Variants in RFPL3 observed in about 807,000 individuals in gnomAD.
RFPL3 encodes ret finger protein like 3.
RFPL3 carries 8 observed loss-of-function variants against 8.7 expected under a neutral mutation model. The observed-to-expected ratio is 0.92, with a 90% confidence interval of 0.54 to 1.66. The LOEUF is 1.66. Ranked by LOEUF, RFPL3 falls within the 40% of genes most tolerant of loss-of-function variation. RFPL3 has a pLI of 0.00. For missense variants in RFPL3, 341 were observed against 395.0 expected (o/e 0.86, Z 1.16); for synonymous variants, 145 against 150.5 (o/e 0.96, Z 0.27).
upstream of RFPL3, among the ~76,000 whole-genome samples, chr22:32,355,072 C>CCGCCCCCGCG: frequency 6.6e-6 from 1 of 151,732 alleles, no homozygotes; most frequent in Admixed American, 6.6e-5. Context: ...ACAAAACTCC[C>CCGCCCCCGCG]CCCACTTGGC....
rs749648064 is a variant in RFPL3 at position 32,358,323 on chromosome 22, C to G, written c.252C>G (p.Val84=). ...TGCTTTGCTGTTGCTGTTCCATGGTCTCTCAGAGGAACAAAATCAGGCCCA... is the reference window on the plus strand; with the variant it reads ...TGCTTTGCTGTTGCTGTTCCATGGTGTCTCAGAGGAACAAAATCAGGCCCA... ...EDLLCCCCSM[V]SQRNKIRPNR... is the part of the protein sequence containing the mutation. The change falls in exon 1 of 2, where the codon GTC becomes GTG. Residue 84 remains valine, a synonymous_variant. Transcript: ENST00000249007. 8 of 1,614,098 alleles carry G rather than the reference C, an allele frequency of 5.0e-6. No homozygotes were observed. In the South Asian group the frequency reaches 8.8e-5, roughly 18 times the overall value.
upstream of RFPL3, among the ~76,000 whole-genome samples, chr22:32,355,326 G>T (rs1207866030): frequency 6.6e-6 from 1 of 152,104 alleles, no homozygotes; most frequent in Non-Finnish European, 1.5e-5. Context: ...ACCTCGGTAA[G>T]GGGAAGTCTC....
chr22:32,357,791 A>G, upstream of RFPL3: 3 of 1,160,788 alleles, frequency 2.6e-6, no homozygotes, highest in East Asian at 7.1e-5. Flanking sequence ...TCTTATGTTC[A>G]TCAATCAGTC....
rs1303278430 is a variant in RFPL3, at chr22:32,360,670, T to C, written c.792T>C (p.Gly264=). 3 of 1,613,788 alleles carry C rather than the reference T, an allele frequency of 1.9e-6. No individual in the cohort carries two copies. The highest frequency in any genetic ancestry group is 2.5e-6 in the Non-Finnish European group (3 of 1,179,828). ...QNVSFFDAES[G]SHVYTFRSVS... ...TTTCCTTTTTTGATGCTGAAAGTGG[T>C]TCCCATGTCTATACATTCAGGAGCG... is the stretch of plus-strand genomic sequence containing the variant. The change falls in exon 2 of 2, where the codon GGT becomes GGC. Residue 264 remains glycine, a synonymous_variant. Coordinates refer to ENST00000249007, the MANE Select transcript of RFPL3 (RefSeq NM_001098535.1).
chr22:32,359,287 T>G (rs759714749), intron 1 of RFPL3, among the ~76,000 whole-genome samples: 6 of 152,202 alleles, frequency 3.9e-5, no homozygotes, highest in Non-Finnish European at 8.8e-5. Context: ...TCCTTGTCCA[T>G]GTCCATTCCC....
At chr22:32,359,019 T>C (rs935330700) in intron 1 of RFPL3, among the ~76,000 whole-genome samples, 1 of 152,206 alleles carries the variant, frequency 6.6e-6, no homozygotes, top group Admixed American at 6.5e-5. Context: ...ACAGTGGTCC[T>C]GGCTACAGAA....
rs1569431939 is a variant in RFPL3, at chr22:32,360,707, G to A, written c.829G>A (p.Glu277Lys). The change falls in exon 2 of 2, where the codon GAG becomes AAG. Residue 277 changes from glutamate (E) to lysine (K), a missense_variant. By Grantham distance (56) the Glu-to-Lys change is moderately conservative (BLOSUM62 1). Coordinates refer to ENST00000249007, the MANE Select transcript of RFPL3 (RefSeq NM_001098535.1). ...VYTFRSVSAE[E>K]PLRPFLAPSI... ...TACATTCAGGAGCGTCTCTGCTGAGGAGCCACTGCGCCCATTTTTGGCTCC... is the reference window on the plus strand; with the variant it reads ...TACATTCAGGAGCGTCTCTGCTGAGAAGCCACTGCGCCCATTTTTGGCTCC... 5.0e-6 allele frequency: 8 copies of A among 1,613,964 alleles called. No homozygotes were observed. The Admixed American group carries it at 5.0e-5, about 10-fold the overall frequency.
In RFPL3 at chr22:32,358,156, G is replaced by T; in HGVS notation, c.85G>T (p.Asp29Tyr). 2 of 1,613,940 alleles carry T rather than the reference G, an allele frequency of 1.2e-6. No homozygotes were observed. Among genetic ancestry groups the T allele is most frequent in the Non-Finnish European group, 1.7e-6 (2 of 1,179,862 alleles). The part of the protein sequence containing the change: ...LPLCTFPLAV[D>Y]MAALFQEASS... The stretch of plus-strand genomic sequence containing the variant: ...CTTGTGTACTTTTCCCCTGGCAGTG[G>T]ACATGGCTGCACTCTTCCAAGAAGC... The change falls in exon 1 of 2, where the codon GAC (aspartate) becomes TAC (tyrosine). Residue 29 changes from aspartate to tyrosine, a missense_variant. Asp to Tyr is a radical substitution (Grantham distance 160). Transcript: ENST00000249007.
rs749020089 is a variant in RFPL3 at position 32,360,552 on chromosome 22, G to A, written c.674G>A (p.Arg225His). 6.2e-6 allele frequency: 10 copies of A among 1,613,958 alleles called. No individual in the cohort carries two copies. Among genetic ancestry groups the A allele is most frequent in the Non-Finnish European group, 6.8e-6 (8 of 1,179,874 alleles). The change falls in exon 2 of 2, where the codon CGC (arginine) becomes CAC (histidine). Residue 225 changes from arginine to histidine, a missense_variant. Coordinates refer to ENST00000249007, the MANE Select transcript of RFPL3 (RefSeq NM_001098535.1). ...FWTVSLRDGSRLSASTVPLTF... is the reference protein window; with the variant it reads ...FWTVSLRDGSHLSASTVPLTF... The stretch of plus-strand genomic sequence containing the variant: ...ACTGTGAGTTTGAGGGATGGAAGCC[G>A]CCTCTCTGCCAGCACGGTGCCGCTG...
rs1448818563 is a variant in RFPL3 at position 32,357,905 on chromosome 22, G to A, written c.-167G>A. 2.3e-5 allele frequency: 34 copies of A among 1,477,004 alleles called. No individual in the cohort carries two copies. In the East Asian group the frequency reaches 8.3e-4, roughly 36 times the overall value. 91.5% of individuals were successfully genotyped at this position (1,477,004 alleles called of 1,614,324 possible). ...CTCAGGCTCAGCTGCTGGGTCACCA[G>A]GAGAATGGACCCTTCCTCCACCTCA... is the stretch of plus-strand genomic sequence containing the variant. On this transcript the variant is annotated 5_prime_UTR_variant, in exon 1 of 2. Transcript: ENST00000249007.
In RFPL3 at chr22:32,360,468, G is replaced by T. The variant is rs1932770929; in HGVS notation, c.590G>T (p.Cys197Phe). The change falls in exon 2 of 2, where the codon TGC (cysteine) becomes TTC (phenylalanine). Residue 197 changes from cysteine (C) to phenylalanine (F), a missense_variant. Coordinates refer to ENST00000249007, the MANE Select transcript of RFPL3 (RefSeq NM_001098535.1). ...AGCACAGAATGGGACCTGGGAGTCTGCAGAGAATCTGTTCACTGCAAAGGG... is the reference window on the plus strand; with the variant it reads ...AGCACAGAATGGGACCTGGGAGTCTTCAGAGAATCTGTTCACTGCAAAGGG... ...GTSTEWDLGV[C>F]RESVHCKGKI... is the part of the protein sequence containing the mutation. 1 of 1,613,972 alleles carries T rather than the reference G, an allele frequency of 6.2e-7. No homozygotes were observed.
rs376625849 is a variant in RFPL3, at chr22:32,360,415, C to A, written c.537C>A (p.Arg179=). 4 of 1,613,816 alleles carry A rather than the reference C, an allele frequency of 2.5e-6. No individual in the cohort carries two copies. In the African/African-American group the frequency reaches 5.3e-5, roughly 22 times the overall value. Residue 179 remains arginine (R), a synonymous_variant, in exon 2 of 2, where the codon CGC becomes CGA. Coordinates refer to ENST00000249007, the MANE Select transcript of RFPL3 (RefSeq NM_001098535.1). ...ILGSPRFTCG[R]HYWEVDVGTS... ...GCTCCCCTCGCTTTACCTGTGGCCG[C>A]CACTACTGGGAGGTGGACGTGGGAA...
At chr22:32,360,064 C>T (rs1569431429) in intron 1 of RFPL3, 188 bp from the exon 2 acceptor site, 5 of 684,228 alleles carry the variant, frequency 7.3e-6, no homozygotes, top group Non-Finnish European at 9.7e-6. Context: ...ATAAGAGTCA[C>T]GTATTGCCAC....
At chr22:32,359,055 G>A (rs1932752481) in intron 1 of RFPL3, among the ~76,000 whole-genome samples, 1 of 152,126 alleles carries the variant, frequency 6.6e-6, no homozygotes, top group Non-Finnish European at 1.5e-5. Flanking sequence ...CATAACTCTG[G>A]GGAAAAGGGA....
Position 32,360,719 on chromosome 22 carries a change from C to G in RFPL3, c.841C>G (p.Pro281Ala), listed in dbSNP as rs1178816153. The change falls in exon 2 of 2, where the codon CCA (proline) becomes GCA (alanine). Residue 281 changes from proline to alanine, a missense_variant. Physicochemically the swap from Pro to Ala is conservative, Grantham distance 27. Transcript: ENST00000249007. Reference sequence around the variant, plus strand: ...CGTCTCTGCTGAGGAGCCACTGCGCCCATTTTTGGCTCCTTCAATTCCACC... The same window carrying G: ...CGTCTCTGCTGAGGAGCCACTGCGCGCATTTTTGGCTCCTTCAATTCCACC... Reference protein sequence around the residue: ...RSVSAEEPLRPFLAPSIPPNG... With the variant: ...RSVSAEEPLRAFLAPSIPPNG... The G allele has an allele frequency of 1.9e-6, 3 of 1,613,960 alleles. No individual in the cohort carries two copies. The highest frequency in any genetic ancestry group is 2.5e-6 in the Non-Finnish European group (3 of 1,179,990).
Position 32,360,276 on chromosome 22 carries a change from C to G in RFPL3, c.398C>G (p.Thr133Arg), listed in dbSNP as rs1283228155. The change falls in exon 2 of 2, where the codon ACA becomes AGA. Residue 133 changes from threonine to arginine, a missense_variant. Physicochemically the swap from Thr to Arg is moderately conservative, Grantham distance 71 (BLOSUM62 -1). Transcript: ENST00000249007. ...FQVDMTLDAD[T>R]ANNFLLISDD... The stretch of plus-strand genomic sequence containing the variant: ...GTGGATATGACCTTGGATGCCGACA[C>G]AGCCAACAACTTCCTCCTCATTTCT... 6.2e-7 allele frequency: 1 copy of G among 1,613,470 alleles called. No individual in the cohort carries two copies. Among genetic ancestry groups the G allele is most frequent in the Non-Finnish European group, 8.5e-7 (1 of 1,179,556 alleles).
chr22:32,356,700 C>A (rs942762360), upstream of RFPL3: 22 of 334,896 alleles, frequency 6.6e-5, no homozygotes, highest in African/African-American at 4.5e-4. Context: ...GGGCCACTGT[C>A]TTCTCCACAG....
rs765743887 is a variant in RFPL3, at chr22:32,358,458, A to G, written c.373+14A>G. 5.6e-6 allele frequency: 9 copies of G among 1,606,100 alleles called. No homozygotes were observed. In the East Asian group the frequency reaches 2.0e-4, roughly 36 times the overall value. ...GGAAGTTCCAAGGTAAGGAATCTGT[A>G]TACCCTGCCCCCTTCCCAAGACCAG... On this transcript the variant is annotated intron_variant, in intron 1 of 1. Transcript: ENST00000249007.
In RFPL3 at chr22:32,358,081, T is replaced by A; in HGVS notation, c.10T>A (p.Leu4Met). 1 of 1,613,084 alleles carries A rather than the reference T, an allele frequency of 6.2e-7. No individual in the cohort carries two copies. The highest frequency in any genetic ancestry group is 1.1e-5 in the South Asian group (1 of 90,938). The change falls in exon 1 of 2, where the codon TTG (leucine) becomes ATG (methionine). Residue 4 changes from leucine (L) to methionine (M), a missense_variant. By Grantham distance (15) the Leu-to-Met change is conservative. Coordinates refer to ENST00000249007, the MANE Select transcript of RFPL3 (RefSeq NM_001098535.1). The stretch of plus-strand genomic sequence containing the variant: ...CACAATACCTCTATGCATGAAAAGG[T>A]TGTCACTTGTCACAACTAACAGGCT... MKR[L>M]SLVTTNRLSP...
Sources: gnomAD v4.1 joint callset for allele counts (sites outside exome capture counted in the v4.1 genomes callset) on GRCh38, gnomAD v4.1.1 for gene constraint, MANE v1.5 for transcripts, NCBI Gene and HGNC (gene_info 2026-07-23, HGNC 2026-07-21) for gene names.